CPSF1: variants seen among roughly 807,000 people sequenced by gnomAD.
CPSF1 encodes the protein cleavage and polyadenylation specific factor 1, also known as cleavage and polyadenylation specificity factor subunit 1.
CPSF1 carries 106 observed loss-of-function variants against 175.8 expected under a neutral mutation model. The ratio of observed to expected loss-of-function variants is 0.60; its 90% CI spans 0.52 to 0.71. CPSF1 has a LOEUF of 0.71. CPSF1 is among the 30% of genes least tolerant of loss of function. The probability of loss-of-function intolerance (pLI) is 0.00; values close to 1 mark genes in which losing one functional copy is unlikely to be tolerated. For missense variants in CPSF1, 1,734 were observed against 2,022.9 expected, an observed-to-expected ratio of 0.86 and a Z score of 2.74; for synonymous variants, 1,024 against 858.3, an observed-to-expected ratio of 1.19 and a Z score of -3.37.
intron 9 of CPSF1, 29 bp downstream of exon 9, chr8:144,400,137 C>CCCCCA: frequency 8.9e-7 from 1 of 1,127,700 alleles, no homozygotes; most frequent in African/African-American, 1.7e-5. Flanking sequence ...GTCCCCGGGC[C>CCCCCA]CCCCCCGCCC....
In CPSF1 at chr8:144,397,520, C is replaced by G; in HGVS notation, c.2352G>C (p.Trp784Cys). 1 of 1,583,332 alleles carries G rather than the reference C, an allele frequency of 6.3e-7. No individual in the cohort carries two copies. The highest frequency in any genetic ancestry group is 8.6e-7 in the Non-Finnish European group (1 of 1,159,274). Residue 784 changes from tryptophan (W) to cysteine (C), a missense_variant, in exon 22 of 38, where the codon TGG becomes TGC. Physicochemically the swap from Trp to Cys is radical, Grantham distance 215 (BLOSUM62 -2). Transcript: ENST00000616140. Reference sequence around the variant, plus strand: ...TGCCATTCTCCCGCACCAGCAGGCACCAGTGGGTAGGCTCTGCCCGGAAGG... The same window carrying G: ...TGCCATTCTCCCGCACCAGCAGGCAGCAGTGGGTAGGCTCTGCCCGGAAGG... Reference protein sequence around the residue: ...PAPFRAEPTHWCLLVRENGTM... With the variant: ...PAPFRAEPTHCCLLVRENGTM...
intron 2 of CPSF1, among the ~76,000 whole-genome samples, 168 bp from the exon 3 acceptor site, chr8:144,401,841 C>T (rs1554867370): frequency 1.3e-5 from 2 of 152,180 alleles, no homozygotes; most frequent in South Asian, 2.1e-4. Context: ...CACAGCCCCC[C>T]ACAGCGACCC....
At position 144,395,425 on chromosome 8, in the gene CPSF1, G is replaced by A. The variant is rs782529087; in HGVS notation, c.3096+10C>T. The stretch of plus-strand genomic sequence containing the variant: ...AGAAGGTCCCTGGTGGGGTGGGGGT[G>A]GGGGCAGACCTTAGACTCCACGTGG... On this transcript the variant is annotated intron_variant, in intron 27 of 37. Transcript: ENST00000616140. 6.2e-7 allele frequency: 1 copy of A among 1,612,692 alleles called. No individual in the cohort carries two copies. Among genetic ancestry groups the A allele is most frequent in the Admixed American group, 1.7e-5 (1 of 59,988 alleles).
rs1554862814 is a variant in CPSF1, at chr8:144,394,508, G to A, written c.3615C>T (p.Phe1205=). ...LRASELTGMA[F]IDTQLYIHQM... is the part of the protein sequence containing the mutation. ...GGTGTATGTAGAGCTGCGTGTCGAT[G>A]AAGGCCATGCCCGTCAGCTCGCTGG... Residue 1205 remains phenylalanine, a synonymous_variant, in exon 32 of 38, where the codon TTC becomes TTT. Transcript: ENST00000616140. 6.2e-7 allele frequency: 1 copy of A among 1,610,288 alleles called. No homozygotes were observed. The highest frequency in any genetic ancestry group is 1.7e-5 in the Admixed American group (1 of 59,506).
chr8:144,400,135 G>GGGGGGGGGCCCCCCCCCCCC, intron 9 of CPSF1, 31 bp downstream of exon 9: 1 of 896,002 alleles, frequency 1.1e-6, no homozygotes, highest in Non-Finnish European at 1.6e-6. Flanking sequence ...CCGTCCCCGG[G>GGGGGGGGGCCCCCCCCCCCC]CCCCCCCCGC....
intron 2 of CPSF1, among the ~76,000 whole-genome samples, chr8:144,405,078 AC>A (rs1714184501): frequency 7.0e-6 from 1 of 143,770 alleles, no homozygotes; most frequent in African/African-American, 2.6e-5. Context: ...AGAAAAAAAA[AC>A]CTTGAAAATC....
intron 23 of CPSF1, 53 bp downstream of exon 23, chr8:144,397,154 C>CGGGCAGGGCCAGGGGGAAGAT: frequency 1.4e-6 from 2 of 1,468,096 alleles, no homozygotes; most frequent in Middle Eastern, 2.4e-4. Context: ...TGTGGGGGAA[C>CGGGCAGGGCCAGGGGGAAGAT]GGGCAGGGCC....
At position 144,393,540 on chromosome 8, in the gene CPSF1, AGCACGTTGC is replaced by A; in HGVS notation, c.4187_4195del (p.Arg1396_Val1398del). On this transcript the variant is annotated inframe_deletion, in exon 37 of 38. Transcript: ENST00000616140. ...GTAGCGGTTGAGCAGCTCCCCATCCAGCACGTTGCGCACGGCATTCTGGAGGGTGCGGCG... is the reference window on the plus strand; with the variant it reads ...GTAGCGGTTGAGCAGCTCCCCATCCAGCACGGCATTCTGGAGGGTGCGGCG... 6.2e-7 allele frequency: 1 copy of A among 1,601,084 alleles called. No individual in the cohort carries two copies. Among genetic ancestry groups the A allele is most frequent in the Non-Finnish European group, 8.5e-7 (1 of 1,175,802 alleles).
intron 9 of CPSF1, 31 bp downstream of exon 9, chr8:144,400,135 G>GGCCCCCCCCCCCC (rs1821085595): frequency 1.0e-4 from 90 of 896,626 alleles, no homozygotes; most frequent in Non-Finnish European, 1.3e-4. Context: ...CCGTCCCCGG[G>GGCCCCCCCCCCCC]CCCCCCCCGC....
chr8:144,408,338 C>G (rs1215926955), intron 2 of CPSF1, among the ~76,000 whole-genome samples: 1 of 152,176 alleles, frequency 6.6e-6, no homozygotes, highest in East Asian at 1.9e-4. Flanking sequence ...GTAAGAGGTA[C>G]TCCTCCCTTC....
In CPSF1 at chr8:144,395,446, C is replaced by A. The variant is rs149597313; in HGVS notation, c.3085G>T (p.Val1029Leu). Residue 1029 changes from valine (V) to leucine (L), a missense_variant, in exon 27 of 38, where the codon GTG becomes TTG. Coordinates refer to ENST00000616140, the MANE Select transcript of CPSF1 (RefSeq NM_013291.3). ...RCTAHYVAYH[V>L]ESKVYAVATS... The stretch of plus-strand genomic sequence containing the variant: ...GGGTGGGGGCAGACCTTAGACTCCA[C>A]GTGGTAAGCCACATAGTGGGCCGTG... 0.011 allele frequency: 17,835 copies of A among 1,612,952 alleles called. 127 individuals carry two copies. The highest frequency in any genetic ancestry group is 0.013 in the Non-Finnish European group (15,343 of 1,179,932).
rs2116886277 is a variant in CPSF1 at position 144,401,630 on chromosome 8, G to T, written c.172+16C>A. ...CCTGGCACCCGCACAGCCCCAGGCCGCCCCACCACACTCACCTGTGCTCCT... is the reference window on the plus strand; with the variant it reads ...CCTGGCACCCGCACAGCCCCAGGCCTCCCCACCACACTCACCTGTGCTCCT... On this transcript the variant is annotated intron_variant, in intron 3 of 37. Coordinates refer to ENST00000616140, the MANE Select transcript of CPSF1 (RefSeq NM_013291.3). 8.1e-6 allele frequency: 13 copies of T among 1,611,114 alleles called. No homozygotes were observed. Among genetic ancestry groups the T allele is most frequent in the African/African-American group, 1.3e-5 (1 of 74,850 alleles).
At chr8:144,400,144 G>GCCCCCCCCCCCCC (rs1194072613) in intron 9 of CPSF1, 22 bp downstream of exon 9, 28 of 1,070,350 alleles carry the variant, frequency 2.6e-5, no homozygotes, top group Admixed American at 9.8e-5. Context: ...GGCCCCCCCC[G>GCCCCCCCCCCCCC]CCCCAGCCAC....
At position 144,401,132 on chromosome 8, in the gene CPSF1, T is replaced by C. The variant is rs1003544905; in HGVS notation, c.388-57A>G. The C allele has an allele frequency of 1.6e-5, 25 of 1,552,336 alleles. No individual in the cohort carries two copies. The African/African-American group carries it at 1.9e-4, about 12-fold the overall frequency. On this transcript the variant is annotated intron_variant, in intron 5 of 37. Coordinates refer to ENST00000616140, the MANE Select transcript of CPSF1 (RefSeq NM_013291.3). ...GCATAGGAGACCCCGAGGGAAACAC[T>C]TGGGGCCACAGAACCCAGCTGCAGG...
rs782721993 is a variant in CPSF1, at chr8:144,393,802, AG to A, written c.4016-7del. On this transcript the variant is annotated splice_polypyrimidine_tract_variant and splice_region_variant and intron_variant, in intron 35 of 37. Coordinates refer to ENST00000616140, the MANE Select transcript of CPSF1 (RefSeq NM_013291.3). ...GATGCCGCCGTCCAGGGTGGCTGGCAGGGGTAGGGTGAGGGTTTTGGTGTGA... is the reference window on the plus strand; with the variant it reads ...GATGCCGCCGTCCAGGGTGGCTGGCAGGGTAGGGTGAGGGTTTTGGTGTGA... 12 of 1,600,172 alleles carry A rather than the reference AG, an allele frequency of 7.5e-6. No homozygotes were observed. The South Asian group carries it at 1.1e-4, about 15-fold the overall frequency.
At chr8:144,402,286 T>C (rs1215975466) in intron 2 of CPSF1, among the ~76,000 whole-genome samples, 1 of 152,012 alleles carries the variant, frequency 6.6e-6, no homozygotes, top group African/African-American at 2.4e-5. Context: ...GGAAAAGTGG[T>C]TTTTGTTTTG....
intron 35 of CPSF1, 23 bp downstream of exon 35, chr8:144,393,860 C>G (rs782428774): frequency 1.2e-6 from 2 of 1,603,180 alleles, no homozygotes; most frequent in African/African-American, 2.7e-5. Flanking sequence ...CCCACCCAGA[C>G]ACACCTGCTC....
chr8:144,408,512 C>G (rs1821619994), intron 2 of CPSF1, among the ~76,000 whole-genome samples: 1 of 152,222 alleles, frequency 6.6e-6, no homozygotes, highest in Non-Finnish European at 1.5e-5. Context: ...TGGCCTTGTT[C>G]CTTGTGCTAC....
intron 34 of CPSF1, 29 bp downstream of exon 34, chr8:144,394,084 C>T (rs1307886164): frequency 1.2e-6 from 2 of 1,611,182 alleles, no homozygotes; most frequent in African/African-American, 2.7e-5. Flanking sequence ...AGCCCCGGCC[C>T]AGGCAGAGGG....
Sources: allele counts gnomAD v4.1 joint callset (sites outside exome capture counted in the v4.1 genomes callset), GRCh38; gene constraint gnomAD v4.1.1; transcripts MANE v1.5; gene names NCBI Gene and HGNC (gene_info 2026-07-23, HGNC 2026-07-21).